The following ACOT11 variants were observed in gnomAD, a reference collection of about 807,000 sequenced individuals.
The protein encoded by ACOT11 is acyl-coenzyme A thioesterase 11.
ACOT11 carries 69 observed loss-of-function variants against 77.5 expected under a neutral mutation model. The observed-to-expected ratio is 0.89, with a 90% CI of 0.73 to 1.09. The LOEUF is 1.09. Among genes scored for constraint, ACOT11 ranks in the 50% least tolerant of loss-of-function variants. The pLI is 0.00. For missense variants in ACOT11, 766 were observed against 813.7 expected (o/e 0.94, Z 0.71); for synonymous variants, 279 against 313.0 (o/e 0.89, Z 1.15).
At chr1:54,583,083 T>C (rs1172207299) in intron 1 of ACOT11, among the ~76,000 whole-genome samples, 1 of 152,226 alleles carries the variant, frequency 6.6e-6, no homozygotes, top group Admixed American at 6.5e-5. Context: ...GTGGTTACCA[T>C]GGCGATGGGT....
intron 1 of ACOT11, among the ~76,000 whole-genome samples, chr1:54,570,691 T>C (rs1230438906): frequency 6.6e-6 from 1 of 151,630 alleles, no homozygotes; most frequent in East Asian, 1.9e-4. Flanking sequence ...CTTTTTTTTT[T>C]TTTGAGACAG....
intron 15 of ACOT11, among the ~76,000 whole-genome samples, chr1:54,630,260 T>C (rs1644292417): frequency 6.8e-6 from 1 of 147,566 alleles, no homozygotes; most frequent in African/African-American, 2.4e-5. Flanking sequence ...ACACCTGTAA[T>C]CCCAGCACTT....
intron 1 of ACOT11, among the ~76,000 whole-genome samples, chr1:54,552,475 T>TA (rs955239739): frequency 6.6e-6 from 1 of 152,058 alleles, no homozygotes; most frequent in Non-Finnish European, 1.5e-5. Flanking sequence ...CAGACACTCT[T>TA]AGTGTTTTTT....
chr1:54,632,610 C>T (rs1205735220), intron 16 of ACOT11, among the ~76,000 whole-genome samples: 4 of 152,070 alleles, frequency 2.6e-5, no homozygotes, highest in African/African-American at 4.8e-5. Flanking sequence ...TGAAATTAAA[C>T]GAACAGGAGA....
Position 54,601,743 on chromosome 1 carries a change from G to A in ACOT11, c.1029+330G>A, listed in dbSNP as rs1206667968. ...GGAACCTCGCCTCTACTACATTCAA[G>A]TGATGCCCCCTCGAGCTTTCAGTCT... On this transcript the variant is annotated intron_variant, in intron 9 of 15. Coordinates refer to ENST00000343744, the MANE Select transcript of ACOT11 (RefSeq NM_147161.4). Among the ~76,000 whole-genome samples the A allele has an allele frequency of 3.3e-5, 5 of 152,302 alleles. No individual in the cohort carries two copies. The East Asian group carries it at 7.7e-4, about 24-fold the overall frequency.
chr1:54,620,047 C>A, intron 15 of ACOT11: 1 of 1,602,968 alleles, frequency 6.2e-7, no homozygotes. Context: ...TCTGTCCTCG[C>A]CCCAGCCCAA....
exon 17 of ACOT11, chr1:54,635,435 G>A: frequency 3.6e-6 from 1 of 277,214 alleles, no homozygotes; most frequent in East Asian, 1.4e-4. Flanking sequence ...CTAAACATAA[G>A]GATTTGTAAA....
chr1:54,553,289 G>A (rs1268716506), intron 1 of ACOT11, among the ~76,000 whole-genome samples: 1 of 151,638 alleles, frequency 6.6e-6, no homozygotes, highest in East Asian at 2.0e-4. Flanking sequence ...GCCGAGGTCG[G>A]TGGATTACTT....
In ACOT11 at chr1:54,601,274, A is replaced by T. The variant is rs1293342428; in HGVS notation, c.890A>T (p.Glu297Val). 1 of 1,610,868 alleles carries T rather than the reference A, an allele frequency of 6.2e-7. No individual in the cohort carries two copies. Among genetic ancestry groups the T allele is most frequent in the Non-Finnish European group, 8.5e-7 (1 of 1,179,830 alleles). ...GCCACACTCCCTCCCCTCAGCATGG[A>T]GGTGGGCGTGTGCGTGGAGGCCTAT... ...IVNNAFKHSM[E>V]VGVCVEAYRQ... The change falls in exon 9 of 16, where the codon GAG becomes GTG. Residue 297 changes from glutamate to valine, a missense_variant. Coordinates refer to ENST00000343744, the MANE Select transcript of ACOT11 (RefSeq NM_147161.4).
At chr1:54,551,743 G>GTT (rs1423679130) in intron 1 of ACOT11, among the ~76,000 whole-genome samples, 2 of 149,986 alleles carry the variant, frequency 1.3e-5, no homozygotes, top group African/African-American at 5.0e-5. Context: ...TTTTGTTTTT[G>GTT]TTTTTGTTTT....
chr1:54,634,501 G>A (rs1295023655), intron 16 of ACOT11, among the ~76,000 whole-genome samples: 2 of 152,130 alleles, frequency 1.3e-5, no homozygotes, highest in Admixed American at 6.5e-5. Context: ...AATTGAAAAT[G>A]CTCAGTTATG....
At chr1:54,577,025 A>C (rs1654140464) in intron 1 of ACOT11, among the ~76,000 whole-genome samples, 1 of 152,158 alleles carries the variant, frequency 6.6e-6, no homozygotes, top group Admixed American at 6.5e-5. Flanking sequence ...TGCTTTCACC[A>C]TATCTTCCCC....
At chr1:54,625,657 G>C (rs1458779776) in intron 15 of ACOT11, among the ~76,000 whole-genome samples, 1 of 152,214 alleles carries the variant, frequency 6.6e-6, no homozygotes, top group Non-Finnish European at 1.5e-5. Flanking sequence ...AAAATGCTGA[G>C]CCAGGCGCGG....
At chr1:54,612,642 A>G (rs748870520), downstream of ACOT11, 1 of 1,614,044 alleles carries the variant, frequency 6.2e-7, no homozygotes, top group Non-Finnish European at 8.5e-7. Context: ...GGACGTGGAC[A>G]TGTAGAAGGT....
intron 1 of ACOT11, among the ~76,000 whole-genome samples, chr1:54,549,295 C>T (rs931627640): frequency 1.3e-5 from 2 of 152,194 alleles, no homozygotes; most frequent in African/African-American, 4.8e-5. Context: ...ACATCCCTTA[C>T]TTGAGACGAA....
At position 54,603,948 on chromosome 1, in the gene ACOT11, C is replaced by T; in HGVS notation, c.1152+11C>T. ...GACCCTAGCAACCAGGTAAGGCTCT[C>T]TGCTCCGAGAGGACAGTCTTCAGAC... On this transcript the variant is annotated intron_variant, in intron 11 of 15. Transcript: ENST00000343744. The T allele has an allele frequency of 6.2e-7, 1 of 1,613,656 alleles. No homozygotes were observed. Among genetic ancestry groups the T allele is most frequent in the Non-Finnish European group, 8.5e-7 (1 of 1,179,602 alleles).
At chr1:54,620,140 A>G (rs1278720808) in intron 15 of ACOT11, 2 of 941,648 alleles carry the variant, frequency 2.1e-6, no homozygotes, top group East Asian at 5.3e-5. Flanking sequence ...GGTGAGGCTC[A>G]GACTCACTGG....
intron 1 of ACOT11, among the ~76,000 whole-genome samples, chr1:54,562,906 G>A (rs1340087727): frequency 1.4e-5 from 2 of 138,906 alleles, no homozygotes; most frequent in Admixed American, 7.1e-5. Context: ...GGGCGGAGAC[G>A]CTCCTCACTT....
intron 1 of ACOT11, among the ~76,000 whole-genome samples, chr1:54,554,371 A>G (rs1459189302): frequency 5.6e-5 from 3 of 53,414 alleles, no homozygotes; most frequent in East Asian, 5.6e-4. Context: ...TTTTTTTTTG[A>G]GATGGAGTCC....
Sources: gnomAD v4.1 joint callset for allele counts (sites outside exome capture counted in the v4.1 genomes callset) on GRCh38, gnomAD v4.1.1 for gene constraint, MANE v1.5 for transcripts, NCBI Gene and HGNC (gene_info 2026-07-23, HGNC 2026-07-21) for gene names.